The following CSMD1 variants were observed in gnomAD, a reference collection of about 807,000 sequenced individuals.
CSMD1 encodes the protein CUB and Sushi multiple domains 1, also known as CUB and sushi domain-containing protein 1.
Under a neutral mutation model 417.5 loss-of-function variants are expected in CSMD1, and 213 were observed. The ratio of observed to expected loss-of-function variants is 0.51; its 90% CI spans 0.46 to 0.57. The LOEUF (loss-of-function observed/expected upper bound fraction) is 0.57, where lower values mean the gene tolerates loss of function less well. CSMD1 is among the 20% of genes least tolerant of loss of function. The pLI, the probability that CSMD1 is intolerant of heterozygous loss-of-function variation, is 0.00. For synonymous variants in CSMD1, 2,862 were observed against 1,736.8 expected (o/e 1.65, Z -16.11); for missense variants, 6,923 against 4,529.7 (o/e 1.53, Z -15.17).
chr8:4,912,274 T>G (rs1226839351), intron 1 of CSMD1, among the ~76,000 whole-genome samples: 1 of 152,074 alleles, frequency 6.6e-6, no homozygotes, highest in African/African-American at 2.4e-5. Context: ...GCGAAGGCAG[T>G]AGATTGTACT....
At chr8:4,478,423 T>C (rs1392221319) in intron 2 of CSMD1, among the ~76,000 whole-genome samples, 1 of 152,168 alleles carries the variant, frequency 6.6e-6, no homozygotes. Context: ...TTATATATCT[T>C]GTCAGTAAGT....
intron 10 of CSMD1, among the ~76,000 whole-genome samples, chr8:3,530,620 C>T (rs1471676801): frequency 6.6e-6 from 1 of 152,156 alleles, no homozygotes; most frequent in East Asian, 1.9e-4. Flanking sequence ...CTTCTGGGTT[C>T]AAGTGATTCT....
At chr8:3,383,550 C>A (rs1170826364) in intron 18 of CSMD1, among the ~76,000 whole-genome samples, 1 of 151,882 alleles carries the variant, frequency 6.6e-6, no homozygotes, top group African/African-American at 2.4e-5. Context: ...AAACCTCATG[C>A]ACGAATGAAA....
intron 3 of CSMD1, among the ~76,000 whole-genome samples, chr8:4,259,319 C>T (rs1803711464): frequency 6.6e-6 from 1 of 152,060 alleles, no homozygotes; most frequent in African/African-American, 2.4e-5. Flanking sequence ...TGTTTTCCTC[C>T]CTCTTCAGGA....
chr8:4,018,889 T>C (rs544787010), intron 4 of CSMD1, among the ~76,000 whole-genome samples: 88 of 152,262 alleles, frequency 5.8e-4, no homozygotes, highest in African/African-American at 2.0e-3. Flanking sequence ...ATGATGATAA[T>C]ATATAACTTC....
intron 1 of CSMD1, among the ~76,000 whole-genome samples, chr8:4,863,091 G>A (rs1358549825): frequency 6.6e-6 from 1 of 152,032 alleles, no homozygotes; most frequent in African/African-American, 2.4e-5. Flanking sequence ...ATAGTAGCCG[G>A]AAAGCTCAGT....
At chr8:3,626,668 A>G (rs1226736429) in intron 7 of CSMD1, among the ~76,000 whole-genome samples, 1 of 151,542 alleles carries the variant, frequency 6.6e-6, no homozygotes, top group Non-Finnish European at 1.5e-5. Flanking sequence ...TGATTTCAGG[A>G]TAAGTACATT....
intron 12 of CSMD1, among the ~76,000 whole-genome samples, chr8:3,453,246 G>C (rs147253060): frequency 6.6e-6 from 1 of 151,530 alleles, no homozygotes; most frequent in Non-Finnish European, 1.5e-5. Context: ...CAATTTTGTT[G>C]ATCTTTTCAA....
At chr8:3,692,421 C>G (rs1800298614) in intron 7 of CSMD1, among the ~76,000 whole-genome samples, 1 of 151,362 alleles carries the variant, frequency 6.6e-6, no homozygotes, top group South Asian at 2.1e-4. Flanking sequence ...ACCTAAGCCA[C>G]CAGACATTTA....
At chr8:3,853,394 G>A (rs915667318) in intron 5 of CSMD1, among the ~76,000 whole-genome samples, 1 of 152,094 alleles carries the variant, frequency 6.6e-6, no homozygotes, top group Non-Finnish European at 1.5e-5. Context: ...CATTGGTATA[G>A]CACGCTCTAT....
chr8:4,453,541 G>A (rs866067483), intron 2 of CSMD1, among the ~76,000 whole-genome samples: 5 of 152,144 alleles, frequency 3.3e-5, no homozygotes, highest in Non-Finnish European at 7.4e-5. Context: ...GAACACAGCC[G>A]ACAGAATAAC....
intron 42 of CSMD1, among the ~76,000 whole-genome samples, chr8:3,115,489 A>G (rs1816813117): frequency 6.6e-6 from 1 of 152,230 alleles, no homozygotes; most frequent in East Asian, 1.9e-4. Flanking sequence ...GGCGTGAGCC[A>G]CTGTGCCCGG....
intron 4 of CSMD1, among the ~76,000 whole-genome samples, chr8:4,023,961 C>G (rs112380192): frequency 2.0e-5 from 3 of 151,466 alleles, no homozygotes; most frequent in Admixed American, 2.0e-4. Flanking sequence ...ACATTAAGAG[C>G]GACTTCATTA....
chr8:3,736,192 T>G lies in CSMD1; in HGVS notation c.931+17738A>C, dbSNP rs750611200. Reference sequence around the variant, plus strand: ...GCGTCTAATCATATTCTATGTGTATTAACACAATTTGATTCTCACTCAACA... The same window carrying G: ...GCGTCTAATCATATTCTATGTGTATGAACACAATTTGATTCTCACTCAACA... On this transcript the variant is annotated intron_variant, in intron 6 of 69. Transcript: ENST00000635120. Among the ~76,000 whole-genome samples, 5 of 152,024 alleles carry G rather than the reference T, an allele frequency of 3.3e-5. No individual in the cohort carries two copies. In the East Asian group the frequency reaches 9.6e-4, roughly 29 times the overall value.
Position 4,902,903 on chromosome 8 carries a change from C to G in CSMD1, c.85+91429G>C, listed in dbSNP as rs920675630. On this transcript the variant is annotated intron_variant, in intron 1 of 69. Transcript: ENST00000635120. ...TATGTACTGCATGTATATTTTTACA[C>G]AAGCAATATGCAACCTAAACTTATT... Among the ~76,000 whole-genome samples the G allele has an allele frequency of 1.1e-4, 16 of 151,138 alleles. 1 individual carries two copies. The South Asian group carries it at 1.3e-3, about 12-fold the overall frequency.
chr8:4,656,742 C>G (rs1393849265), intron 1 of CSMD1, among the ~76,000 whole-genome samples: 2 of 151,982 alleles, frequency 1.3e-5, no homozygotes, highest in African/African-American at 4.8e-5. Context: ...TTTGGGGACA[C>G]TAAATGCCGC....
chr8:3,309,388 C>T (rs776424259), intron 23 of CSMD1, among the ~76,000 whole-genome samples: 1 of 144,532 alleles, frequency 6.9e-6, no homozygotes, highest in African/African-American at 2.4e-5. Flanking sequence ...GGTTATGAGG[C>T]TCTTGAGGAA....
intron 5 of CSMD1, among the ~76,000 whole-genome samples, chr8:3,896,207 T>C (rs1807351566): frequency 6.6e-6 from 1 of 152,176 alleles, no homozygotes; most frequent in Non-Finnish European, 1.5e-5. Flanking sequence ...GACAAACATC[T>C]TCCAATTCTA....
At chr8:3,934,426 T>C (rs4370552) in intron 5 of CSMD1, among the ~76,000 whole-genome samples, 67,707 of 152,048 alleles carry the variant, frequency 0.45, 15,538 homozygotes, top group African/African-American at 0.53. Context: ...CCGGTAGTAA[T>C]TGTTAAAAAT....
Sources: allele counts gnomAD v4.1 joint callset (sites outside exome capture counted in the v4.1 genomes callset), GRCh38; gene constraint gnomAD v4.1.1; transcripts MANE v1.5; gene names NCBI Gene and HGNC (gene_info 2026-07-23, HGNC 2026-07-21).